GAA: variants seen among roughly 807,000 people sequenced by gnomAD.
GAA encodes lysosomal alpha-glucosidase.
In GAA, 88 loss-of-function variants were observed where a neutral mutation model predicts 103.9. The ratio of observed to expected loss-of-function variants is 0.85; its 90% CI spans 0.71 to 1.01. The LOEUF (loss-of-function observed/expected upper bound fraction) is 1.01, where lower values mean the gene tolerates loss of function less well. GAA is among the 50% of genes least tolerant of loss of function. The pLI, the probability that GAA is intolerant of heterozygous loss-of-function variation, is 0.00. For synonymous variants in GAA, 572 were observed against 563.1 expected (o/e 1.02, Z -0.22); for missense variants, 1,350 against 1,305.3 (o/e 1.03, Z -0.53).
chr17:80,112,530 G>A lies in GAA; in HGVS notation c.1755-48G>A, dbSNP rs371806805. ...CTGCCCTGCTGGTGACAGGGTTCCC[G>A]AGTGACCCCGCTCCACACAGCCCTC... On this transcript the variant is annotated intron_variant, in intron 12 of 19. Coordinates refer to ENST00000302262, the MANE Select transcript of GAA (RefSeq NM_000152.5). 1.3e-5 allele frequency: 21 copies of A among 1,610,638 alleles called. No homozygotes were observed. The African/African-American group carries it at 1.5e-4, about 11-fold the overall frequency.
At chr17:80,103,094 G>A (rs899334191) in intron 1 of GAA, among the ~76,000 whole-genome samples, 6 of 152,200 alleles carry the variant, frequency 3.9e-5, no homozygotes, top group East Asian at 1.9e-4. Context: ...GGGGCAGAGC[G>A]TTCCCAGCCA....
intron 15 of GAA, among the ~76,000 whole-genome samples, chr17:80,116,050 C>T (rs933599928): frequency 5.9e-5 from 9 of 152,132 alleles, no homozygotes; most frequent in Non-Finnish European, 8.8e-5. Context: ...CCATTTTTGC[C>T]GATGTTCCTG....
chr17:80,117,511 GAGCC>G, intron 16 of GAA, 85 bp from the exon 17 acceptor site: 4 of 1,500,684 alleles, frequency 2.7e-6, no homozygotes, highest in Non-Finnish European at 2.8e-6. Flanking sequence ...CCTCCACGTG[GAGCC>G]CCGGGAGATG....
At chr17:80,119,028 G>A (rs558736597) in intron 19 of GAA, among the ~76,000 whole-genome samples, 6 of 152,338 alleles carry the variant, frequency 3.9e-5, no homozygotes, top group African/African-American at 7.2e-5. Flanking sequence ...CCTCTGAGCC[G>A]TGTTGAAGCA....
chr17:80,117,130 C>T, intron 16 of GAA, 21 bp downstream of exon 16: 3 of 1,610,236 alleles, frequency 1.9e-6, no homozygotes, highest in Non-Finnish European at 2.5e-6. Context: ...GGACCCTAAG[C>T]CCTGGGGAGA....
In GAA at chr17:80,104,552, C is replaced by A. The variant is rs1055945806; in HGVS notation, c.-32-3C>A. 5.1e-6 allele frequency: 8 copies of A among 1,582,320 alleles called. No individual in the cohort carries two copies. The highest frequency in any genetic ancestry group is 6.9e-6 in the Non-Finnish European group (8 of 1,161,890). ...CTGCTGAGCCCGCTTTCTTCTCCCG[C>A]AGGCCTGTAGGAGCTGTCCAGGCCA... On this transcript the variant is annotated splice_region_variant and splice_polypyrimidine_tract_variant and intron_variant, in intron 1 of 19. Transcript: ENST00000302262. The surrounding 1 kb of genome is among the most constrained non-coding windows in gnomAD (Gnocchi z 4.0).
intron 15 of GAA, 93 bp downstream of exon 15, chr17:80,113,459 C>G (rs2039295261): frequency 8.1e-7 from 1 of 1,229,000 alleles, no homozygotes; most frequent in Non-Finnish European, 1.1e-6. Context: ...GGGCTGTGTT[C>G]CCCAGGACCC....
chr17:80,103,684 A>T (rs1474859755), intron 1 of GAA, among the ~76,000 whole-genome samples: 1 of 152,164 alleles, frequency 6.6e-6, no homozygotes, highest in Non-Finnish European at 1.5e-5. Flanking sequence ...CCGAGGCTCC[A>T]GGTGCAGCCA....
At chr17:80,105,672 C>T (rs1246026995) in intron 2 of GAA, 77 bp from the exon 3 acceptor site, 1 of 1,551,832 alleles carries the variant, frequency 6.4e-7, no homozygotes, top group Non-Finnish European at 8.8e-7. Context: ...AGGACCTGAC[C>T]TGTCCTTGGC....
rs1269453301 is a variant in GAA, at chr17:80,119,447, G to A, written c.*116G>A. The A allele has an allele frequency of 3.4e-6, 3 of 882,332 alleles. No homozygotes were observed. The African/African-American group carries it at 5.0e-5, about 15-fold the overall frequency. The allele number at this position is 882,332 out of a possible 1,614,324, so 54.7% of individuals were successfully genotyped here. A position where few individuals can be genotyped will look rare whatever the true frequency, so the allele number is the denominator to read the frequency against. ...GGGTTGCATGTGTCACCTGGAGCTG[G>A]GCACTAACCATTCCAAGCCGCCGCA... On this transcript the variant is annotated 3_prime_UTR_variant, in exon 20 of 20. Transcript: ENST00000302262.
intron 15 of GAA, among the ~76,000 whole-genome samples, chr17:80,115,851 T>C (rs2039344141): frequency 6.6e-6 from 1 of 152,212 alleles, no homozygotes; most frequent in Non-Finnish European, 1.5e-5. Context: ...TGGTCAGATA[T>C]CCTTCACAGA....
chr17:80,116,799 A>C (rs1040683763), intron 15 of GAA, 169 bp from the exon 16 acceptor site: 5 of 701,706 alleles, frequency 7.1e-6, no homozygotes, highest in Non-Finnish European at 1.2e-5. Flanking sequence ...ATTGACTTCT[A>C]TCTGCTGGAA....
intron 15 of GAA, among the ~76,000 whole-genome samples, chr17:80,115,428 G>A (rs546339819): frequency 6.3e-4 from 95 of 151,950 alleles, no homozygotes; most frequent in Non-Finnish European, 1.0e-3. Flanking sequence ...ATTCCTTTAC[G>A]TTTCTCTCGT....
At chr17:80,117,243 C>A in intron 16 of GAA, 134 bp downstream of exon 16, 3 of 951,018 alleles carry the variant, frequency 3.2e-6, no homozygotes, top group Non-Finnish European at 4.9e-6. Context: ...ATGTGCCAGG[C>A]CCCCACCCGG....
At chr17:80,108,185 G>A in intron 5 of GAA, 105 bp from the exon 6 acceptor site, 1 of 1,591,394 alleles carries the variant, frequency 6.3e-7, no homozygotes, top group Non-Finnish European at 8.6e-7. Context: ...AGCTCCTCGT[G>A]GGGAGAGAGC....
In GAA at chr17:80,107,597, T is replaced by G. The variant is rs1046519954; in HGVS notation, c.733T>G (p.Phe245Val). The G allele has an allele frequency of 2.5e-6, 4 of 1,613,076 alleles. No homozygotes were observed. The highest frequency in any genetic ancestry group is 3.4e-6 in the Non-Finnish European group (4 of 1,179,898). Residue 245 changes from phenylalanine (F) to valine (V), a missense_variant, in exon 4 of 20, where the codon TTC (phenylalanine) becomes GTC (valine). Transcript: ENST00000302262. ...TVAPLFFADQ[F>V]LQLSTSLPSQ... Reference sequence around the variant, plus strand: ...GGCGCCCCTGTTCTTTGCGGACCAGTTCCTTCAGCTGTCCACCTCGCTGCC... The same window carrying G: ...GGCGCCCCTGTTCTTTGCGGACCAGGTCCTTCAGCTGTCCACCTCGCTGCC...
chr17:80,115,497 A>C (rs2039338019), intron 15 of GAA, among the ~76,000 whole-genome samples: 1 of 152,214 alleles, frequency 6.6e-6, no homozygotes, highest in South Asian at 2.1e-4. Context: ...TTCTTCAGAC[A>C]CGGTTTCGCT....
intron 19 of GAA, 64 bp from the exon 20 acceptor site, chr17:80,119,208 G>A: frequency 6.6e-7 from 1 of 1,509,174 alleles, no homozygotes; most frequent in South Asian, 1.1e-5. Context: ...GCCGCCTTCT[G>A]AGCGCTGGGG....
chr17:80,109,028 A>G (rs769223960), intron 8 of GAA, among the ~76,000 whole-genome samples, 200 bp downstream of exon 8: 10 of 152,150 alleles, frequency 6.6e-5, no homozygotes, highest in Non-Finnish European at 1.3e-4. Context: ...GGTCCCCAGA[A>G]ATGGCCGGGT....
Sources: allele counts gnomAD v4.1 joint callset (sites outside exome capture counted in the v4.1 genomes callset), GRCh38; gene constraint gnomAD v4.1.1; non-coding constraint Gnocchi (gnomAD v3.1); transcripts MANE v1.5; gene names NCBI Gene and HGNC (gene_info 2026-07-23, HGNC 2026-07-21).